The following TJP1 variants were observed in gnomAD, a reference collection of about 807,000 sequenced individuals.
TJP1 encodes tight junction protein 1.
In TJP1, 43 loss-of-function variants were observed where a neutral mutation model predicts 194.2. The ratio of observed to expected loss-of-function variants is 0.22; its 90% confidence interval spans 0.17 to 0.29. The LOEUF is 0.29. Ranked by LOEUF, TJP1 falls within the 10% of genes least tolerant of loss-of-function variation. The pLI, the probability that TJP1 is intolerant of heterozygous loss-of-function variation, is 1.00. For synonymous variants in TJP1, 801 were observed against 779.0 expected (o/e 1.03, Z -0.47); for missense variants, 1,971 against 2,185.7 (o/e 0.90, Z 1.96).
intron 2 of TJP1, among the ~76,000 whole-genome samples, chr15:29,907,601 T>C (rs1284158055): frequency 6.6e-6 from 1 of 152,262 alleles, no homozygotes; most frequent in African/African-American, 2.4e-5. Context: ...ATCAGGAACA[T>C]AGAGTTAATG....
chr15:29,968,812 G>A, exon 1 of TJP1: 2 of 1,131,042 alleles, frequency 1.8e-6, no homozygotes, highest in Admixed American at 2.7e-5. Flanking sequence ...CGCCGCCGCC[G>A]CAGACACAGC....
intron 2 of TJP1, among the ~76,000 whole-genome samples, chr15:29,949,645 C>CACCACCACCTCCACCTCCACA (rs1555459025): frequency 2.6e-3 from 300 of 113,740 alleles, no homozygotes; most frequent in African/African-American, 8.2e-3. Context: ...CCACCTCCAC[C>CACCACCACCTCCACCTCCACA]ACCACCACCT....
intron 2 of TJP1, among the ~76,000 whole-genome samples, chr15:29,893,589 C>T (rs2053382042): frequency 6.6e-6 from 1 of 152,196 alleles, no homozygotes; most frequent in Non-Finnish European, 1.5e-5. Context: ...CAGCCAACAA[C>T]CTCGAGTCAA....
At chr15:29,956,246 A>G in exon 2 of TJP1, 1 of 1,287,512 alleles carries the variant, frequency 7.8e-7, no homozygotes, top group Non-Finnish European at 1.0e-6. Flanking sequence ...AGCTCACAGA[A>G]ATCCATGCTA....
Position 29,732,235 on chromosome 15 carries a change from G to C in TJP1, c.2017+198C>G, listed in dbSNP as rs560766467. 1.3e-4 allele frequency: 73 copies of C among 576,032 alleles called. 2 individuals carry two copies. The South Asian group carries it at 1.6e-3, about 13-fold the overall frequency. The allele number at this position is 576,032 out of a possible 1,614,324, so 35.7% of individuals were successfully genotyped here. ...ATATGAAGCCAAGAGTTTCCTAAAC[G>C]GTGACTTTTCTCATTAAAAGAATTG... On this transcript the variant is annotated intron_variant, in intron 15 of 27. Coordinates refer to ENST00000614355, the MANE Select transcript of TJP1 (RefSeq NM_001330239.4).
In TJP1 at chr15:29,728,018, C is replaced by T. The variant is rs1179890305; in HGVS notation, c.2019G>A (p.Lys673=). 1.2e-6 allele frequency: 2 copies of T among 1,613,878 alleles called. No individual in the cohort carries two copies. The highest frequency in any genetic ancestry group is 4.5e-5 in the East Asian group (2 of 44,874). ...CAGTTCCAGCGTCTCGTGGTTCACT[C>T]TCTATTCATTATGTCAGGACAAAAA... is the stretch of plus-strand genomic sequence containing the variant. ...REEPDIYQIA[K]SEPRDAGTDQ... Residue 673 remains lysine (K), a splice_region_variant and synonymous_variant, in exon 16 of 28, where the codon AAG becomes AAA. Transcript: ENST00000614355.
intron 2 of TJP1, among the ~76,000 whole-genome samples, chr15:29,924,864 G>T (rs1417626356): frequency 6.6e-6 from 1 of 152,214 alleles, no homozygotes; most frequent in East Asian, 1.9e-4. Context: ...GCTGGTAGGG[G>T]CTAGGCCCAC....
chr15:29,882,478 A>G (rs1365336891), intron 2 of TJP1, among the ~76,000 whole-genome samples: 1 of 152,214 alleles, frequency 6.6e-6, no homozygotes, highest in African/African-American at 2.4e-5. Flanking sequence ...TGGCTAGGCA[A>G]ACAAATCATT....
rs977764968 is a variant in TJP1, at chr15:29,741,352, G to A, written c.1235C>T (p.Thr412Ile). The A allele has an allele frequency of 6.3e-7, 1 of 1,590,868 alleles. No individual in the cohort carries two copies. The highest frequency in any genetic ancestry group is 8.5e-7 in the Non-Finnish European group (1 of 1,174,188). The part of the protein sequence containing the change: ...SPSDGVLPNS[T>I]HEDGILRPSM... ...TTACCGAAGAATCCCATCTTCATGA[G>A]TTGAATTAGGTAGGACACCATCAGA... Residue 412 changes from threonine (T) to isoleucine (I), a missense_variant, in exon 10 of 28, where the codon ACT (threonine) becomes ATT (isoleucine). Thr to Ile is a moderately conservative substitution (Grantham distance 89, BLOSUM62 -1). This residue lies in a region of TJP1 where 192 missense variants were observed against 182.3 expected (regional missense o/e 1.05). Coordinates refer to ENST00000614355, the MANE Select transcript of TJP1 (RefSeq NM_001330239.4).
intron 1 of TJP1, among the ~76,000 whole-genome samples, chr15:29,803,393 T>C (rs1483031970): frequency 6.6e-6 from 1 of 152,166 alleles, no homozygotes; most frequent in Non-Finnish European, 1.5e-5. Context: ...TATTGTGAAG[T>C]AAGCTTTTGT....
In TJP1 at chr15:29,705,656, A is replaced by T; in HGVS notation, c.4940T>A (p.Leu1647Gln). 6.2e-7 allele frequency: 1 copy of T among 1,614,208 alleles called. No individual in the cohort carries two copies. The highest frequency in any genetic ancestry group is 8.5e-7 in the Non-Finnish European group (1 of 1,180,044). ...ACTAACACCAGTTTCTATGGAACTCAGCACGCCCCCATTGCTGTTAAATAT... is the reference window on the plus strand; with the variant it reads ...ACTAACACCAGTTTCTATGGAACTCTGCACGCCCCCATTGCTGTTAAATAT... ...RGIFNSNGGVLSSIETGVSII... is the reference protein window; with the variant it reads ...RGIFNSNGGVQSSIETGVSII... The change falls in exon 26 of 28, where the codon CTG becomes CAG. Residue 1647 changes from leucine (L) to glutamine (Q), a missense_variant. This residue lies in a region of TJP1 where 1,108 missense variants were observed against 1,128.5 expected (regional missense o/e 0.98). Coordinates refer to ENST00000614355, the MANE Select transcript of TJP1 (RefSeq NM_001330239.4).
At chr15:29,851,827 A>G (rs1236315195) in intron 2 of TJP1, among the ~76,000 whole-genome samples, 1 of 152,202 alleles carries the variant, frequency 6.6e-6, no homozygotes, top group Non-Finnish European at 1.5e-5. Context: ...CCTTCTACCT[A>G]TATCATATAT....
chr15:29,763,207 G>T (rs1290625602), intron 5 of TJP1, among the ~76,000 whole-genome samples: 1 of 152,192 alleles, frequency 6.6e-6, no homozygotes, highest in African/African-American at 2.4e-5. Context: ...CTCCGTCTGT[G>T]GGTAAGGAAT....
intron 2 of TJP1, among the ~76,000 whole-genome samples, chr15:29,899,133 T>C (rs2053563739): frequency 6.6e-6 from 1 of 152,174 alleles, no homozygotes; most frequent in African/African-American, 2.4e-5. Context: ...TCAGTAGCCC[T>C]GAAAAGATAA....
At chr15:29,770,686 A>C (rs1302006704) in intron 4 of TJP1, among the ~76,000 whole-genome samples, 2 of 151,920 alleles carry the variant, frequency 1.3e-5, no homozygotes, top group African/African-American at 4.8e-5. Flanking sequence ...TCTCAAAAAA[A>C]AAAAAGAAAA....
At chr15:29,960,916 A>C (rs2056132193) in intron 1 of TJP1, among the ~76,000 whole-genome samples, 1 of 152,180 alleles carries the variant, frequency 6.6e-6, no homozygotes, top group Non-Finnish European at 1.5e-5. Context: ...AATAATGCAG[A>C]ATATTAACTC....
chr15:29,710,776 G>A, intron 24 of TJP1, 55 bp downstream of exon 24: 1 of 1,607,944 alleles, frequency 6.2e-7, no homozygotes, highest in Non-Finnish European at 8.5e-7. Context: ...GAAACCACCA[G>A]AATTTTACTT....
chr15:29,858,899 C>T (rs1463301349), intron 2 of TJP1, among the ~76,000 whole-genome samples: 1 of 151,990 alleles, frequency 6.6e-6, no homozygotes, highest in East Asian at 1.9e-4. Context: ...TGCCATGTTG[C>T]CCAGGCTTGT....
intron 8 of TJP1, among the ~76,000 whole-genome samples, chr15:29,754,457 C>T (rs149499394): frequency 1.3e-5 from 2 of 152,154 alleles, no homozygotes; most frequent in East Asian, 1.9e-4. Context: ...GTACAAAACA[C>T]GATGACACAT....
Sources: gnomAD v4.1 joint callset for allele counts (sites outside exome capture counted in the v4.1 genomes callset) on GRCh38, gnomAD v4.1.1 for gene constraint, gnomAD v4.1.1 regional missense constraint, MANE v1.5 for transcripts, NCBI Gene and HGNC (gene_info 2026-07-23, HGNC 2026-07-21) for gene names.